Variants in PIP5K1B observed in about 807,000 individuals in gnomAD.
The protein encoded by PIP5K1B is phosphatidylinositol-4-phosphate 5-kinase type 1 beta, also known as phosphatidylinositol 4-phosphate 5-kinase type-1 beta.
In PIP5K1B, 42 loss-of-function variants were observed where a neutral mutation model predicts 67.0. That is an observed-to-expected ratio of 0.63 (90% CI 0.49 to 0.81). The LOEUF (loss-of-function observed/expected upper bound fraction) is 0.81, where lower values mean the gene tolerates loss of function less well. PIP5K1B is among the 30% of genes least tolerant of loss of function. The pLI, the probability that PIP5K1B is intolerant of heterozygous loss-of-function variation, is 0.00. For synonymous variants in PIP5K1B, 214 were observed against 231.4 expected, an observed-to-expected ratio of 0.92 and a Z score of 0.68; for missense variants, 459 against 646.3, an observed-to-expected ratio of 0.71 and a Z score of 3.14.
chr9:68,986,813 A>G (rs1186494625), intron 14 of PIP5K1B, among the ~76,000 whole-genome samples: 9 of 152,222 alleles, frequency 5.9e-5, no homozygotes, highest in Admixed American at 5.2e-4. Context: ...CAAAAATAAA[A>G]GGTAACTCTT....
chr9:68,789,400 T>C lies in PIP5K1B; in HGVS notation c.-85-29061T>C, dbSNP rs562495852. ...TTCTGAACAGACTCCAACATAGTCC[T>C]GAAATGTGTCCACTACTCAGTGAAG... On this transcript the variant is annotated intron_variant, in intron 2 of 15. Coordinates refer to ENST00000265382, the MANE Select transcript of PIP5K1B (RefSeq NM_003558.4). 2.5e-5 allele frequency: 11 copies of C among 434,086 alleles called. No homozygotes were observed. The Admixed American group carries it at 2.8e-4, about 11-fold the overall frequency. The allele number at this position is 434,086 out of a possible 1,614,324, so 26.9% of individuals were successfully genotyped here.
At chr9:68,723,338 T>C (rs1350520561) in intron 1 of PIP5K1B, among the ~76,000 whole-genome samples, 3 of 152,180 alleles carry the variant, frequency 2.0e-5, no homozygotes, top group African/African-American at 7.2e-5. Context: ...TGATTTTCTT[T>C]CTTTTGGATA....
intron 4 of PIP5K1B, among the ~76,000 whole-genome samples, chr9:68,858,396 T>A (rs1822892239): frequency 6.6e-6 from 1 of 152,148 alleles, no homozygotes; most frequent in South Asian, 2.1e-4. Context: ...GGAAAATAGA[T>A]CTTCTCAGAA....
intron 2 of PIP5K1B, among the ~76,000 whole-genome samples, chr9:68,802,152 G>A (rs1169509345): frequency 6.6e-6 from 1 of 152,184 alleles, no homozygotes; most frequent in Non-Finnish European, 1.5e-5. Flanking sequence ...ACCTGGAATA[G>A]CAAGAAAAGA....
At chr9:68,958,349 G>T (rs1177760814) in intron 14 of PIP5K1B, among the ~76,000 whole-genome samples, 2 of 152,130 alleles carry the variant, frequency 1.3e-5, no homozygotes, top group Non-Finnish European at 2.9e-5. Flanking sequence ...GACTGTAAGG[G>T]AAAAGCCAGA....
chr9:68,797,759 T>G (rs537861525), intron 2 of PIP5K1B, among the ~76,000 whole-genome samples: 122 of 152,344 alleles, frequency 8.0e-4, no homozygotes, highest in African/African-American at 2.9e-3. Context: ...TCTGCTAAAT[T>G]TTTTGTGCTG....
intron 4 of PIP5K1B, among the ~76,000 whole-genome samples, chr9:68,861,099 G>A (rs900885220): frequency 6.6e-6 from 1 of 151,962 alleles, no homozygotes; most frequent in Non-Finnish European, 1.5e-5. Context: ...TAAATTAGTT[G>A]GTCAAAAAAG....
intron 8 of PIP5K1B, among the ~76,000 whole-genome samples, chr9:68,916,475 T>C (rs1281170445): frequency 6.6e-6 from 1 of 152,158 alleles, no homozygotes; most frequent in Non-Finnish European, 1.5e-5. Context: ...TTCCCTTGCC[T>C]CCCCACTGTC....
In PIP5K1B at chr9:68,918,087, A is replaced by ATTTTTT. The variant is rs200797718; in HGVS notation, c.983+331_983+332insTTTTTT. Among the ~76,000 whole-genome samples the ATTTTTT allele has an allele frequency of 1.5e-4, 20 of 133,078 alleles. 5 individuals carry two copies. Among genetic ancestry groups the ATTTTTT allele is most frequent in the Non-Finnish European group, 1.8e-4 (11 of 60,234 alleles). 87.3% of individuals were successfully genotyped at this position (133,078 alleles called of 152,430 possible). On this transcript the variant is annotated intron_variant, in intron 9 of 15. Transcript: ENST00000265382. ...TTTGAATAAACATGTTTTATTGTTT[A>ATTTTTT]TTTATTTATTTTTTTTTTTTGAGAC...
At chr9:68,723,051 T>C (rs534885765) in intron 1 of PIP5K1B, among the ~76,000 whole-genome samples, 1 of 152,320 alleles carries the variant, frequency 6.6e-6, no homozygotes, top group East Asian at 1.9e-4. Flanking sequence ...CATGGAATAT[T>C]TGTCTTTCTG....
At chr9:68,991,977 T>TG (rs368730023) in intron 15 of PIP5K1B, among the ~76,000 whole-genome samples, 2,724 of 150,300 alleles carry the variant, frequency 0.018, 31 homozygotes, top group South Asian at 0.047. Flanking sequence ...AAATTTTTTT[T>TG]GGGGGGGGGC....
chr9:68,978,489 A>G (rs536526455), intron 14 of PIP5K1B, among the ~76,000 whole-genome samples: 3 of 152,340 alleles, frequency 2.0e-5, no homozygotes, highest in South Asian at 2.1e-4. Context: ...TTGTATATGT[A>G]TACCACATTT....
At chr9:68,892,279 T>G (rs1463040798) in intron 7 of PIP5K1B, among the ~76,000 whole-genome samples, 1 of 152,200 alleles carries the variant, frequency 6.6e-6, no homozygotes, top group Admixed American at 6.5e-5. Context: ...GAATGTTTTT[T>G]AAAATGAACA....
chr9:68,952,080 C>A (rs989881017), intron 14 of PIP5K1B, among the ~76,000 whole-genome samples: 1 of 152,106 alleles, frequency 6.6e-6, no homozygotes, highest in African/African-American at 2.4e-5. Flanking sequence ...GACTGTAGTC[C>A]GATCGATATT....
chr9:68,966,016 A>G (rs1391023596), intron 14 of PIP5K1B, among the ~76,000 whole-genome samples: 4 of 152,018 alleles, frequency 2.6e-5, no homozygotes, highest in Admixed American at 2.6e-4. Context: ...AAAAAACAAA[A>G]CAGTGGGGGT....
chr9:68,824,314 T>G, intron 4 of PIP5K1B: 1 of 513,464 alleles, frequency 1.9e-6, no homozygotes, highest in South Asian at 1.4e-5. Flanking sequence ...AGAAAAAATG[T>G]GACCATGACA....
At chr9:68,811,597 C>T (rs1266906866) in intron 2 of PIP5K1B, among the ~76,000 whole-genome samples, 1 of 152,126 alleles carries the variant, frequency 6.6e-6, no homozygotes, top group Non-Finnish European at 1.5e-5. Context: ...ATGTTCTGAC[C>T]CCAGCTGACC....
intron 1 of PIP5K1B, among the ~76,000 whole-genome samples, chr9:68,711,829 A>T (rs1296921187): frequency 6.6e-6 from 1 of 152,238 alleles, no homozygotes; most frequent in Admixed American, 6.5e-5. Flanking sequence ...GTAGTTCTCA[A>T]ATGCCCAGAG....
intron 2 of PIP5K1B, among the ~76,000 whole-genome samples, chr9:68,773,008 G>A (rs981337430): frequency 3.9e-5 from 6 of 152,160 alleles, no homozygotes; most frequent in Admixed American, 6.5e-5. Context: ...GTGAAGTCTA[G>A]AGAGGTTGAC....
Sources: allele counts gnomAD v4.1 joint callset (sites outside exome capture counted in the v4.1 genomes callset), GRCh38; gene constraint gnomAD v4.1.1; transcripts MANE v1.5; gene names NCBI Gene and HGNC (gene_info 2026-07-23, HGNC 2026-07-21).